Variants in CDH13 observed in about 807,000 individuals in gnomAD.
The protein encoded by CDH13 is cadherin-13.
In CDH13, 24 loss-of-function variants were observed where a neutral mutation model predicts 63.8. That is an observed-to-expected ratio of 0.38 (90% CI 0.27 to 0.53). The LOEUF (loss-of-function observed/expected upper bound fraction) is 0.53, where lower values mean the gene tolerates loss of function less well. Ranked by LOEUF, CDH13 falls within the 20% of genes least tolerant of loss-of-function variation. CDH13 has a pLI of 0.85. For synonymous variants in CDH13, 503 were observed against 355.3 expected, an observed-to-expected ratio of 1.42 and a Z score of -4.67; for missense variants, 1,049 against 903.1, an observed-to-expected ratio of 1.16 and a Z score of -2.07.
chr16:83,077,767 G>A (rs769240025), intron 3 of CDH13, among the ~76,000 whole-genome samples: 1 of 152,154 alleles, frequency 6.6e-6, no homozygotes, highest in Non-Finnish European at 1.5e-5. Context: ...CTCATATTGA[G>A]TGTTATCAGA....
intron 8 of CDH13, among the ~76,000 whole-genome samples, chr16:83,615,695 A>T (rs1319294844): frequency 1.3e-5 from 2 of 152,220 alleles, no homozygotes; most frequent in Non-Finnish European, 1.5e-5. Context: ...ATTTCAGTGC[A>T]TGGGTACTAG....
intron 1 of CDH13, among the ~76,000 whole-genome samples, chr16:82,724,295 C>A (rs1027847632): frequency 2.0e-5 from 3 of 152,146 alleles, no homozygotes; most frequent in African/African-American, 7.2e-5. Flanking sequence ...ATCCATCCAT[C>A]CATCCATATA....
chr16:83,707,745 A>G (rs1214272752), intron 10 of CDH13, among the ~76,000 whole-genome samples: 1 of 150,500 alleles, frequency 6.6e-6, no homozygotes, highest in African/African-American at 2.4e-5. Context: ...ACAAATAGAA[A>G]GCGAGAAAGA....
chr16:83,475,217 C>A (rs775164084), intron 6 of CDH13, among the ~76,000 whole-genome samples: 2 of 152,218 alleles, frequency 1.3e-5, no homozygotes, highest in Admixed American at 1.3e-4. Context: ...GCAGGTCACA[C>A]GTTCATGAAG....
intron 1 of CDH13, among the ~76,000 whole-genome samples, chr16:82,800,633 C>A (rs2036804042): frequency 6.6e-6 from 1 of 152,192 alleles, no homozygotes; most frequent in Admixed American, 6.5e-5. Flanking sequence ...TCCTGGCCAG[C>A]TCTACATGAT....
intron 4 of CDH13, among the ~76,000 whole-genome samples, chr16:83,205,290 C>T (rs570476046): frequency 1.3e-5 from 2 of 152,166 alleles, no homozygotes; most frequent in Non-Finnish European, 2.9e-5. Context: ...TTACAAATAC[C>T]TAGTTATTCA....
chr16:83,575,366 CA>C (rs759885502), intron 7 of CDH13, among the ~76,000 whole-genome samples: 3 of 152,234 alleles, frequency 2.0e-5, no homozygotes, highest in Non-Finnish European at 2.9e-5. Context: ...AAGTGTCCCA[CA>C]CTATAGCCAG....
At chr16:82,761,784 A>G (rs1256696145) in intron 1 of CDH13, among the ~76,000 whole-genome samples, 2 of 152,228 alleles carry the variant, frequency 1.3e-5, no homozygotes, top group African/African-American at 4.8e-5. Context: ...AATGATTCAA[A>G]GCTGTGAGAT....
At chr16:83,152,966 C>T (rs191075363) in intron 4 of CDH13, among the ~76,000 whole-genome samples, 142 of 152,228 alleles carry the variant, frequency 9.3e-4, no homozygotes, top group African/African-American at 3.2e-3. Flanking sequence ...CTACAAGGCA[C>T]GGAATGCCAA....
intron 1 of CDH13, among the ~76,000 whole-genome samples, chr16:82,742,117 A>C (rs75361326): frequency 0.049 from 7,478 of 152,298 alleles, 222 homozygotes; most frequent in Non-Finnish European, 0.068. Flanking sequence ...GGCACAGTTA[A>C]TAAAATGGGA....
chr16:82,766,253 T>C (rs1431316059), intron 1 of CDH13, among the ~76,000 whole-genome samples: 3 of 152,174 alleles, frequency 2.0e-5, no homozygotes, highest in African/African-American at 7.2e-5. Flanking sequence ...GTGTAGAATT[T>C]AGGTCAAGAT....
At chr16:83,385,746 A>G (rs1305109513) in intron 6 of CDH13, among the ~76,000 whole-genome samples, 1 of 152,170 alleles carries the variant, frequency 6.6e-6, no homozygotes, top group Non-Finnish European at 1.5e-5. Context: ...GCTGGAGAAT[A>G]TATGGGAACC....
intron 3 of CDH13, among the ~76,000 whole-genome samples, chr16:83,033,304 G>GTA (rs747784160): frequency 1.3e-5 from 2 of 151,212 alleles, no homozygotes; most frequent in African/African-American, 4.9e-5. Context: ...TTACGGTTCT[G>GTA]TATATATATA....
intron 7 of CDH13, among the ~76,000 whole-genome samples, chr16:83,493,009 T>G (rs1023988231): frequency 1.3e-5 from 2 of 152,092 alleles, no homozygotes; most frequent in Non-Finnish European, 2.9e-5. Flanking sequence ...GTGTTTTTTG[T>G]TGTTGTTGTT....
At chr16:83,144,781 G>C (rs918926741) in intron 4 of CDH13, among the ~76,000 whole-genome samples, 6 of 152,238 alleles carry the variant, frequency 3.9e-5, no homozygotes, top group African/African-American at 1.4e-4. Context: ...TCTGTGAGCA[G>C]AAGACTTCAT....
intron 2 of CDH13, among the ~76,000 whole-genome samples, chr16:82,901,754 C>A (rs774225984): frequency 5.9e-5 from 9 of 152,134 alleles, no homozygotes; most frequent in Non-Finnish European, 8.8e-5. Flanking sequence ...AACCATATAC[C>A]AGGCCCTGTG....
intron 7 of CDH13, among the ~76,000 whole-genome samples, chr16:83,592,942 G>A (rs113953115): frequency 6.6e-6 from 1 of 152,146 alleles, no homozygotes; most frequent in African/African-American, 2.4e-5. Context: ...TCTGCAGTGG[G>A]AATAAGGCAC....
chr16:82,654,693 C>T (rs1161407105), intron 1 of CDH13, among the ~76,000 whole-genome samples: 1 of 151,770 alleles, frequency 6.6e-6, no homozygotes, highest in Non-Finnish European at 1.5e-5. Flanking sequence ...GGCAAAGATA[C>T]AAATGCTGTA....
chr16:83,030,607 C>G (rs1486568219), intron 2 of CDH13, among the ~76,000 whole-genome samples: 1 of 141,888 alleles, frequency 7.0e-6, no homozygotes, highest in African/African-American at 2.7e-5. Context: ...CGCGCCACTG[C>G]ACTCCAGTCT....
Sources: allele counts gnomAD v4.1 joint callset (sites outside exome capture counted in the v4.1 genomes callset), GRCh38; gene constraint gnomAD v4.1.1; transcripts MANE v1.5; gene names NCBI Gene and HGNC (gene_info 2026-07-23, HGNC 2026-07-21).